Variants in MEGF11 observed in about 807,000 individuals in gnomAD.
MEGF11 encodes the protein multiple EGF like domains 11.
A neutral mutation model predicts 146.6 loss-of-function variants in MEGF11; 126 were observed. The ratio of observed to expected loss-of-function variants is 0.86; its 90% CI spans 0.74 to 1.00. The LOEUF (loss-of-function observed/expected upper bound fraction) is 1.00. Among genes scored for constraint, MEGF11 ranks in the 50% least tolerant of loss-of-function variants. The pLI, the probability that MEGF11 is intolerant of heterozygous loss-of-function variation, is 0.00. For missense variants in MEGF11, 1,509 were observed against 1,521.2 expected, an observed-to-expected ratio of 0.99 and a Z score of 0.13; for synonymous variants, 532 against 583.4, an observed-to-expected ratio of 0.91 and a Z score of 1.27.
At chr15:66,189,711 G>T (rs2090818080) in intron 1 of MEGF11, among the ~76,000 whole-genome samples, 1 of 152,186 alleles carries the variant, frequency 6.6e-6, no homozygotes, top group Non-Finnish European at 1.5e-5. Context: ...AAAAGATGGA[G>T]ATGCTACTTC....
Position 66,211,442 on chromosome 15 carries a change from T to G in MEGF11, c.-9+42163A>C, listed in dbSNP as rs570809286. ...AGGAGGCTGAGGCAGGAAAATGGCGTGAACCCGGGAGGGGGAGCTTGCAGT... is the reference window on the plus strand; with the variant it reads ...AGGAGGCTGAGGCAGGAAAATGGCGGGAACCCGGGAGGGGGAGCTTGCAGT... On this transcript the variant is annotated intron_variant, in intron 1 of 25. Coordinates refer to ENST00000395614, the MANE Select transcript of MEGF11 (RefSeq NM_001385028.1). Among the ~76,000 whole-genome samples, 857 of 148,890 alleles carry G rather than the reference T, an allele frequency of 5.8e-3. 5 individuals are homozygous for G. Among genetic ancestry groups the G allele is most frequent in the South Asian group, 0.01 (49 of 4,748 alleles).
At chr15:65,960,906 T>C (rs2080835411) in intron 9 of MEGF11, among the ~76,000 whole-genome samples, 2 of 152,326 alleles carry the variant, frequency 1.3e-5, no homozygotes, top group East Asian at 1.9e-4. Flanking sequence ...CTAATTTTAC[T>C]CTTTACTCTG....
chr15:66,168,100 C>T (rs2090149296), intron 1 of MEGF11, among the ~76,000 whole-genome samples: 1 of 152,072 alleles, frequency 6.6e-6, no homozygotes, highest in South Asian at 2.1e-4. Flanking sequence ...CCAAAATGCT[C>T]ACGGTGCATT....
At chr15:66,000,513 CAGAG>C (rs1055928858) in intron 5 of MEGF11, among the ~76,000 whole-genome samples, 1 of 151,174 alleles carries the variant, frequency 6.6e-6, no homozygotes, top group Non-Finnish European at 1.5e-5. Context: ...GCCTGGGTGA[CAGAG>C]AGAGAACTGT....
chr15:66,153,722 C>A (rs1245691585), intron 1 of MEGF11, among the ~76,000 whole-genome samples: 1 of 152,190 alleles, frequency 6.6e-6, no homozygotes, highest in East Asian at 1.9e-4. Context: ...AGGAGGCACC[C>A]AGAGCATGGC....
intron 1 of MEGF11, among the ~76,000 whole-genome samples, chr15:66,183,535 C>CAAAAA (rs1491447055): frequency 9.9e-4 from 99 of 99,534 alleles, no homozygotes; most frequent in African/African-American, 3.8e-3. Flanking sequence ...ACCCCCCTGC[C>CAAAAA]AAAAAGAAAA....
intron 5 of MEGF11, among the ~76,000 whole-genome samples, chr15:65,989,934 C>A (rs1369734033): frequency 6.6e-6 from 1 of 152,204 alleles, no homozygotes; most frequent in Non-Finnish European, 1.5e-5. Context: ...TGGCTCGTAC[C>A]TGTAATCCCA....
intron 15 of MEGF11, among the ~76,000 whole-genome samples, chr15:65,920,438 G>A (rs544778379): frequency 6.6e-6 from 1 of 152,194 alleles, no homozygotes; most frequent in Non-Finnish European, 1.5e-5. Flanking sequence ...CTGGCCCTCT[G>A]TGGGGAGTAG....
chr15:65,920,543 G>A (rs146108159), intron 15 of MEGF11, among the ~76,000 whole-genome samples: 128 of 152,152 alleles, frequency 8.4e-4, no homozygotes, highest in African/African-American at 3.0e-3. Flanking sequence ...ACATACATGA[G>A]GCCAACAAAT....
At chr15:66,178,728 G>A (rs1386656034) in intron 1 of MEGF11, among the ~76,000 whole-genome samples, 1 of 152,082 alleles carries the variant, frequency 6.6e-6, no homozygotes, top group Non-Finnish European at 1.5e-5. Context: ...CCGGGTCCTG[G>A]GTCCCAGCCC....
intron 5 of MEGF11, among the ~76,000 whole-genome samples, chr15:66,086,160 T>C (rs2140596121): frequency 6.6e-6 from 1 of 152,258 alleles, no homozygotes; most frequent in East Asian, 1.9e-4. Flanking sequence ...AGTCTGGGAT[T>C]ATATTAAAAG....
chr15:65,938,960 A>G (rs763626617), intron 10 of MEGF11, among the ~76,000 whole-genome samples: 1 of 152,230 alleles, frequency 6.6e-6, no homozygotes, highest in Non-Finnish European at 1.5e-5. Flanking sequence ...TGAGCTTCTC[A>G]TGTTGATCAT....
chr15:65,917,257 G>A (rs998047405), intron 16 of MEGF11, among the ~76,000 whole-genome samples: 1 of 152,128 alleles, frequency 6.6e-6, no homozygotes, highest in African/African-American at 2.4e-5. Context: ...TGGAGCATGC[G>A]GGTAAACACT....
rs1371637923 is a variant in MEGF11 at position 66,119,127 on chromosome 15, T to C, written c.260A>G (p.Gln87Arg). ...GCTCTCATAGTAGCCAGGGCAGCAC[T>C]GGGACCTCCGCCGGTACATGGTCCG... ...GLRTMYRRRS[Q>R]CCPGYYESGD... Residue 87 changes from glutamine (Q) to arginine (R), a missense_variant, in exon 4 of 26, where the codon CAG (glutamine) becomes CGG (arginine). By Grantham distance (43) the Gln-to-Arg change is conservative. Coordinates refer to ENST00000395614, the MANE Select transcript of MEGF11 (RefSeq NM_001385028.1). 1.3e-6 allele frequency: 2 copies of C among 1,551,106 alleles called. No individual in the cohort carries two copies. Among genetic ancestry groups the C allele is most frequent in the East Asian group, 4.9e-5 (2 of 40,892 alleles).
rs973171252 is a variant in MEGF11, at chr15:65,897,044, A to T, written c.*890T>A. 4 of 152,242 alleles carry T rather than the reference A, an allele frequency of 2.6e-5. No individual in the cohort carries two copies. The highest frequency in any genetic ancestry group is 5.9e-5 in the Non-Finnish European group (4 of 68,046). 9.4% of individuals were successfully genotyped at this position (152,242 alleles called of 1,614,324 possible). ...CTGACCAAATAAAATGAGGAGGCCAACTAGCCGTCTTTTACTTAATCCCGA... is the reference window on the plus strand; with the variant it reads ...CTGACCAAATAAAATGAGGAGGCCATCTAGCCGTCTTTTACTTAATCCCGA... On this transcript the variant is annotated 3_prime_UTR_variant, in exon 26 of 26. Transcript: ENST00000395614.
chr15:66,060,839 A>C (rs1386529068), intron 5 of MEGF11, among the ~76,000 whole-genome samples: 1 of 152,256 alleles, frequency 6.6e-6, no homozygotes, highest in Non-Finnish European at 1.5e-5. Flanking sequence ...AAAACTGACA[A>C]CAGATGTGAG....
chr15:65,992,448 T>TGGG (rs1245633236), intron 5 of MEGF11, among the ~76,000 whole-genome samples: 32 of 28,180 alleles, frequency 1.1e-3, no homozygotes, highest in Middle Eastern at 0.013. Flanking sequence ...TGTGTGTGTG[T>TGGG]GTGGGGGGGG....
intron 12 of MEGF11, among the ~76,000 whole-genome samples, chr15:65,928,793 G>C (rs1049154406): frequency 6.6e-6 from 1 of 152,088 alleles, no homozygotes; most frequent in South Asian, 2.1e-4. Context: ...GTATGAGGTT[G>C]AGAAGGAGGT....
chr15:66,167,036 G>C (rs146576371), intron 1 of MEGF11, among the ~76,000 whole-genome samples: 130 of 151,978 alleles, frequency 8.6e-4, no homozygotes, highest in African/African-American at 3.0e-3. Context: ...AGTTGATGCA[G>C]AGTTCCAAGG....
Sources: gnomAD v4.1 joint callset for allele counts (sites outside exome capture counted in the v4.1 genomes callset) on GRCh38, gnomAD v4.1.1 for gene constraint, MANE v1.5 for transcripts, NCBI Gene and HGNC (gene_info 2026-07-23, HGNC 2026-07-21) for gene names.